The following TUBA1C variants were observed in gnomAD, a reference collection of about 807,000 sequenced individuals.
TUBA1C encodes the protein tubulin alpha 1c.
A neutral mutation model predicts 34.9 loss-of-function variants in TUBA1C; 16 were observed. The observed-to-expected ratio is 0.46, with a 90% CI of 0.31 to 0.70. The LOEUF (loss-of-function observed/expected upper bound fraction) is 0.70. Among genes scored for constraint, TUBA1C ranks in the 30% least tolerant of loss-of-function variants. TUBA1C has a pLI of 0.05. For missense variants in TUBA1C, 329 were observed against 587.3 expected (o/e 0.56, Z 4.55); for synonymous variants, 177 against 215.9 (o/e 0.82, Z 1.58).
At chr12:49,231,693 T>TAGAC in intron 1 of TUBA1C, among the ~76,000 whole-genome samples, 1 of 151,000 alleles carries the variant, frequency 6.6e-6, no homozygotes, top group East Asian at 1.9e-4. Flanking sequence ...GATAGATAGA[T>TAGAC]AGATAGACAG....
chr12:49,240,285 G>A (rs1942599945), intron 1 of TUBA1C, among the ~76,000 whole-genome samples: 1 of 137,368 alleles, frequency 7.3e-6, no homozygotes, highest in Admixed American at 7.8e-5. Flanking sequence ...GAGAATATGT[G>A]ACCATTCTCT....
At chr12:49,246,389 C>A (rs1942667429) in intron 1 of TUBA1C, among the ~76,000 whole-genome samples, 1 of 152,072 alleles carries the variant, frequency 6.6e-6, no homozygotes, top group African/African-American at 2.4e-5. Flanking sequence ...TTGAAAATGG[C>A]CTGAACTTGG....
intron 1 of TUBA1C, 86 bp from the exon 2 acceptor site, chr12:49,269,379 G>A (rs1418528744): frequency 4.4e-6 from 7 of 1,585,114 alleles, no homozygotes; most frequent in Non-Finnish European, 6.0e-6. Context: ...CTGTCTTGAA[G>A]GTTAATCAGT....
rs1034431981 is a variant in TUBA1C, at chr12:49,265,341, C to G, written c.3+157C>G. On this transcript the variant is annotated intron_variant, in intron 1 of 3. Coordinates refer to ENST00000301072, the MANE Select transcript of TUBA1C (RefSeq NM_032704.5). Reference sequence around the variant, plus strand: ...GCTTGTGGCGGCCGGGCTGGAAGGTCGAGTTCACTTGGCAGACACCAGTTC... The same window carrying G: ...GCTTGTGGCGGCCGGGCTGGAAGGTGGAGTTCACTTGGCAGACACCAGTTC... The G allele has an allele frequency of 7.8e-6, 4 of 515,358 alleles. No homozygotes were observed. In the Admixed American group the frequency reaches 1.4e-4, roughly 18 times the overall value. 31.9% of individuals were successfully genotyped at this position (515,358 alleles called of 1,614,324 possible).
chr12:49,253,265 A>G (rs1471085506), intron 1 of TUBA1C, among the ~76,000 whole-genome samples: 1 of 152,114 alleles, frequency 6.6e-6, no homozygotes, highest in African/African-American at 2.4e-5. Context: ...AGTTAGATTT[A>G]ATCAGGTTAT....
chr12:49,250,523 CAAA>C (rs562107706), intron 1 of TUBA1C, among the ~76,000 whole-genome samples: 3 of 54,908 alleles, frequency 5.5e-5, no homozygotes, highest in Non-Finnish European at 7.9e-5. Context: ...GACTCCGTCT[CAAA>C]AAAAAAAAAA....
At chr12:49,248,564 A>C (rs1329121080) in intron 1 of TUBA1C, among the ~76,000 whole-genome samples, 1 of 132,692 alleles carries the variant, frequency 7.5e-6, no homozygotes, top group South Asian at 2.5e-4. Context: ...CTGTCTCAGA[A>C]AAAAAAAAAA....
At chr12:49,265,600 C>G (rs1447272389) in intron 1 of TUBA1C, among the ~76,000 whole-genome samples, 2 of 152,198 alleles carry the variant, frequency 1.3e-5, no homozygotes, top group African/African-American at 2.4e-5. Context: ...GCTCCCGCAC[C>G]GACGGTGCAG....
rs766369121 is a variant in TUBA1C, at chr12:49,265,148, C to T, written c.-34C>T. 14 of 1,598,424 alleles carry T rather than the reference C, an allele frequency of 8.8e-6. No individual in the cohort carries two copies. In the Admixed American group the frequency reaches 2.4e-4, roughly 27 times the overall value. On this transcript the variant is annotated 5_prime_UTR_variant, in exon 1 of 4. Coordinates refer to ENST00000301072, the MANE Select transcript of TUBA1C (RefSeq NM_032704.5). ...GATCCTTGTTGCCGTCCCTTCGCCTCCTTCACCGCCGCAGACCCCTTCAAG... is the reference window on the plus strand; with the variant it reads ...GATCCTTGTTGCCGTCCCTTCGCCTTCTTCACCGCCGCAGACCCCTTCAAG...
intron 1 of TUBA1C, among the ~76,000 whole-genome samples, chr12:49,265,701 C>A (rs1428142627): frequency 6.6e-6 from 1 of 152,158 alleles, no homozygotes. Flanking sequence ...CTGCGCCAGT[C>A]CACTTGAGAA....
chr12:49,271,638 C>T (rs1343541259), intron 3 of TUBA1C, among the ~76,000 whole-genome samples: 2 of 152,244 alleles, frequency 1.3e-5, no homozygotes, highest in Non-Finnish European at 2.9e-5. Context: ...CAGCCTGACT[C>T]CAGTACCAGG....
At chr12:49,257,066 G>A (rs1395145231) in intron 1 of TUBA1C, among the ~76,000 whole-genome samples, 3 of 150,962 alleles carry the variant, frequency 2.0e-5, no homozygotes, top group African/African-American at 7.3e-5. Context: ...TATAATCCCA[G>A]CTACTTGGGA....
At chr12:49,247,264 A>G (rs540329702) in intron 1 of TUBA1C, among the ~76,000 whole-genome samples, 2 of 151,796 alleles carry the variant, frequency 1.3e-5, no homozygotes, top group Admixed American at 6.6e-5. Flanking sequence ...GTCACTAAAC[A>G]AAGACAAACC....
chr12:49,255,833 T>C (rs1410946461), intron 1 of TUBA1C, among the ~76,000 whole-genome samples: 2 of 152,236 alleles, frequency 1.3e-5, no homozygotes, highest in East Asian at 3.8e-4. Flanking sequence ...CCCAAAGTGC[T>C]GGGATTACAG....
At chr12:49,231,615 C>A (rs561378902) in intron 1 of TUBA1C, among the ~76,000 whole-genome samples, 2 of 152,042 alleles carry the variant, frequency 1.3e-5, no homozygotes, top group Non-Finnish European at 2.9e-5. Flanking sequence ...GAGAACACGG[C>A]GTAGTATTGT....
At chr12:49,267,590 C>T (rs1021408385) in intron 1 of TUBA1C, among the ~76,000 whole-genome samples, 6 of 152,130 alleles carry the variant, frequency 3.9e-5, no homozygotes, top group East Asian at 3.9e-4. Flanking sequence ...ACCTGGAAGG[C>T]GGAGTTTCCA....
intron 1 of TUBA1C, among the ~76,000 whole-genome samples, chr12:49,229,370 A>C (rs2136982222): frequency 6.6e-6 from 1 of 152,182 alleles, no homozygotes; most frequent in South Asian, 2.1e-4. Context: ...ACAGGGTTTC[A>C]CCATCTTGGC....
In TUBA1C at chr12:49,234,631, C is replaced by T. The variant is rs971082917; in HGVS notation, c.213+6465C>T. Among the ~76,000 whole-genome samples the T allele has an allele frequency of 2.0e-4, 31 of 152,252 alleles. No homozygotes were observed. The East Asian group carries it at 4.2e-3, about 21-fold the overall frequency. On this transcript the variant is annotated intron_variant, in intron 1 of 3. Coordinates refer to the TUBA1C transcript ENST00000541364. Reference sequence around the variant, plus strand: ...AGGCGGCGCTATCTCCAGGCCGCAGCCGCCGCCCCGCCCGCCACGAAGGCC... The same window carrying T: ...AGGCGGCGCTATCTCCAGGCCGCAGTCGCCGCCCCGCCCGCCACGAAGGCC...
chr12:49,235,177 TG>T (rs1942540490), intron 1 of TUBA1C, among the ~76,000 whole-genome samples: 1 of 151,410 alleles, frequency 6.6e-6, no homozygotes, highest in Non-Finnish European at 1.5e-5. Flanking sequence ...ACATCTCAAA[TG>T]CATTGCAACT....
Sources: allele counts gnomAD v4.1 joint callset (sites outside exome capture counted in the v4.1 genomes callset), GRCh38; gene constraint gnomAD v4.1.1; transcripts MANE v1.5; gene names NCBI Gene and HGNC (gene_info 2026-07-23, HGNC 2026-07-21).